IGF1R: variants seen among roughly 807,000 people sequenced by gnomAD.
IGF1R encodes insulin like growth factor 1 receptor, also known as insulin-like growth factor 1 receptor.
A neutral mutation model predicts 144.6 loss-of-function variants in IGF1R; 44 were observed. The observed-to-expected ratio is 0.30, with a 90% CI of 0.24 to 0.39. The LOEUF is 0.39. Among genes scored for constraint, IGF1R ranks in the 10% least tolerant of loss-of-function variants. IGF1R has a pLI of 1.00. For missense variants in IGF1R, 1,355 were observed against 1,833.7 expected (o/e 0.74, Z 4.77); for synonymous variants, 795 against 722.8 (o/e 1.10, Z -1.60).
intron 1 of IGF1R, among the ~76,000 whole-genome samples, chr15:98,663,684 G>A (rs1239938161): frequency 1.3e-5 from 2 of 152,206 alleles, no homozygotes; most frequent in African/African-American, 4.8e-5. Context: ...GAGTTGGGCC[G>A]GCTGGGCCCG....
chr15:98,780,343 G>C (rs564767829), intron 2 of IGF1R, among the ~76,000 whole-genome samples: 1 of 151,698 alleles, frequency 6.6e-6, no homozygotes, highest in East Asian at 1.9e-4. Flanking sequence ...CTGAGGTTGA[G>C]AGTTCAAGAC....
chr15:98,689,638 C>T (rs183777680), intron 1 of IGF1R, among the ~76,000 whole-genome samples: 1 of 152,102 alleles, frequency 6.6e-6, no homozygotes, highest in Non-Finnish European at 1.5e-5. Context: ...TGATTGCAGG[C>T]AGGGACCTTG....
At chr15:98,825,508 C>T (rs2056876953) in intron 2 of IGF1R, among the ~76,000 whole-genome samples, 1 of 152,208 alleles carries the variant, frequency 6.6e-6, no homozygotes, top group African/African-American at 2.4e-5. Context: ...CGCCTCCTGT[C>T]AGATCAGCAG....
chr15:98,915,086 A>G (rs1030819361), intron 8 of IGF1R, among the ~76,000 whole-genome samples: 1 of 152,178 alleles, frequency 6.6e-6, no homozygotes, highest in South Asian at 2.1e-4. Flanking sequence ...AGTGATATCC[A>G]GTGAAGGTGT....
intron 2 of IGF1R, among the ~76,000 whole-genome samples, chr15:98,846,696 G>C (rs759173691): frequency 1.3e-5 from 2 of 152,214 alleles, no homozygotes; most frequent in Non-Finnish European, 2.9e-5. Flanking sequence ...CCAGTTCATC[G>C]AGAGGGGCAG....
intron 15 of IGF1R, among the ~76,000 whole-genome samples, chr15:98,931,367 A>G (rs1439435843): frequency 1.3e-5 from 2 of 152,240 alleles, no homozygotes; most frequent in African/African-American, 4.8e-5. Flanking sequence ...GATTATTCTA[A>G]TTATTGTGAT....
intron 1 of IGF1R, among the ~76,000 whole-genome samples, chr15:98,688,761 C>T (rs2053400663): frequency 6.6e-6 from 1 of 151,950 alleles, no homozygotes; most frequent in Non-Finnish European, 1.5e-5. Context: ...GTTCAGAGGG[C>T]CTTTGGAAAT....
chr15:98,881,411 C>T (rs1329240539), intron 2 of IGF1R, among the ~76,000 whole-genome samples: 1 of 152,234 alleles, frequency 6.6e-6, no homozygotes, highest in South Asian at 2.1e-4. Flanking sequence ...ACCTCCGCCT[C>T]CCGGGTTCAA....
At chr15:98,911,535 G>A (rs1596439016) in intron 7 of IGF1R, 94 bp downstream of exon 7, 2 of 1,548,346 alleles carry the variant, frequency 1.3e-6, no homozygotes, top group East Asian at 4.5e-5. Flanking sequence ...GCTGAATACA[G>A]GGGGTCAGCA....
chr15:98,697,364 C>T (rs181653169), intron 1 of IGF1R, among the ~76,000 whole-genome samples: 68 of 152,314 alleles, frequency 4.5e-4, no homozygotes, highest in African/African-American at 1.3e-3. Context: ...AGGTTGCATG[C>T]GGGCGTCCAC....
At chr15:98,851,815 G>C (rs1204496990) in intron 2 of IGF1R, among the ~76,000 whole-genome samples, 1 of 152,216 alleles carries the variant, frequency 6.6e-6, no homozygotes, top group African/African-American at 2.4e-5. Flanking sequence ...CTTATTTCTT[G>C]TCAAGTGAGC....
rs555406656 is a variant in IGF1R, at chr15:98,923,927, A to G, written c.2537A>G (p.Asn846Ser). The G allele has an allele frequency of 1.9e-5, 30 of 1,612,668 alleles. No homozygotes were observed. The highest frequency in any genetic ancestry group is 2.2e-5 in the Non-Finnish European group (26 of 1,179,068). The stretch of plus-strand genomic sequence containing the variant: ...GTGACCTGGGAGCCAAGGCCTGAAA[A>G]CTCCATCTTTTTAAAGTGGCCGGAA... The part of the protein sequence containing the change: ...GPVTWEPRPE[N>S]SIFLKWPEPE... The change falls in exon 12 of 21, where the codon AAC becomes AGC. Residue 846 changes from asparagine (N) to serine (S), a missense_variant. Coordinates refer to ENST00000650285, the MANE Select transcript of IGF1R (RefSeq NM_000875.5).
At position 98,935,089 on chromosome 15, in the gene IGF1R, C is replaced by T. The variant is rs370976497; in HGVS notation, c.3186+36C>T. The stretch of plus-strand genomic sequence containing the variant: ...GTTCCTGAAAAGCCAAAATGCAGCA[C>T]AGGGAGAGGGTATCACACAAGCCTC... On this transcript the variant is annotated intron_variant, in intron 16 of 20. Transcript: ENST00000650285. This position sits in a 1 kb window ranked among gnomAD's most constrained non-coding sequence, Gnocchi z 4.2. The T allele has an allele frequency of 2.9e-5, 44 of 1,512,286 alleles. No individual in the cohort carries two copies. The highest frequency in any genetic ancestry group is 3.8e-5 in the Non-Finnish European group (41 of 1,088,182). The allele number at this position is 1,512,286 out of a possible 1,614,324, so 93.7% of individuals were successfully genotyped here.
At chr15:98,936,112 G>A (rs995822386) in intron 17 of IGF1R, among the ~76,000 whole-genome samples, 8 of 152,250 alleles carry the variant, frequency 5.3e-5, no homozygotes, top group African/African-American at 1.9e-4. Flanking sequence ...CATTGTTGGC[G>A]GTCCTTGTCT....
chr15:98,672,001 C>T (rs956927584), intron 1 of IGF1R, among the ~76,000 whole-genome samples: 4 of 152,166 alleles, frequency 2.6e-5, no homozygotes, highest in Admixed American at 1.3e-4. Context: ...TAAGTTCTTC[C>T]TTAGCTTTAT....
At chr15:98,762,535 C>A (rs984969713) in intron 2 of IGF1R, among the ~76,000 whole-genome samples, 7 of 152,218 alleles carry the variant, frequency 4.6e-5, no homozygotes, top group African/African-American at 9.6e-5. Context: ...TCAGACCAGC[C>A]TGGCCAACAT....
At position 98,707,555 on chromosome 15, in the gene IGF1R, C is replaced by G; in HGVS notation, c.95-7C>G. 1 of 1,614,028 alleles carries G rather than the reference C, an allele frequency of 6.2e-7. No homozygotes were observed. Among genetic ancestry groups the G allele is most frequent in the Non-Finnish European group, 8.5e-7 (1 of 1,179,924 alleles). Reference sequence around the variant, plus strand: ...ACTGAGACGTTTACCCTCTTGTCTCCCTTCAGTCTGCGGGCCAGGCATCGA... The same window carrying G: ...ACTGAGACGTTTACCCTCTTGTCTCGCTTCAGTCTGCGGGCCAGGCATCGA... On this transcript the variant is annotated splice_polypyrimidine_tract_variant and splice_region_variant and intron_variant, in intron 1 of 20. Transcript: ENST00000650285. This position sits in a 1 kb window ranked among gnomAD's most constrained non-coding sequence, Gnocchi z 6.7.
In IGF1R at chr15:98,891,364, A is replaced by G; in HGVS notation, c.680A>G (p.Asn227Ser). 6.2e-7 allele frequency: 1 copy of G among 1,609,826 alleles called. No homozygotes were observed. The highest frequency in any genetic ancestry group is 8.5e-7 in the Non-Finnish European group (1 of 1,179,984). The change falls in exon 3 of 21, where the codon AAC becomes AGC. Residue 227 changes from asparagine to serine, a missense_variant. By Grantham distance (46) the Asn-to-Ser change is conservative. Coordinates refer to ENST00000650285, the MANE Select transcript of IGF1R (RefSeq NM_000875.5). This position sits in a 1 kb window ranked among gnomAD's most constrained non-coding sequence, Gnocchi z 4.7. ...TGTGGGAAGCGGGCGTGCACCGAGA[A>G]CAATGAGTGCTGCCACCCCGAGTGC... The part of the protein sequence containing the change: ...STCGKRACTE[N>S]NECCHPECLG...
intron 18 of IGF1R, among the ~76,000 whole-genome samples, chr15:98,939,736 C>T (rs35124629): frequency 0.17 from 26,091 of 152,228 alleles, 2,765 homozygotes; most frequent in South Asian, 0.36. Flanking sequence ...CTCCAATTTT[C>T]CTAGCTTTTA....
Sources: gnomAD v4.1 joint callset for allele counts (sites outside exome capture counted in the v4.1 genomes callset) on GRCh38, gnomAD v4.1.1 for gene constraint, Gnocchi (gnomAD v3.1) non-coding constraint, MANE v1.5 for transcripts, NCBI Gene and HGNC (gene_info 2026-07-23, HGNC 2026-07-21) for gene names.